Variants in GRID1 observed in about 807,000 individuals in gnomAD.
GRID1 encodes glutamate ionotropic receptor delta type subunit 1.
A neutral mutation model predicts 98.0 loss-of-function variants in GRID1; 28 were observed. The observed-to-expected ratio is 0.29, with a 90% CI of 0.21 to 0.39. The LOEUF (loss-of-function observed/expected upper bound fraction) is 0.39. GRID1 is among the 10% of genes least tolerant of loss of function. GRID1 has a pLI of 1.00. For synonymous variants in GRID1, 553 were observed against 538.5 expected (o/e 1.03, Z -0.37); for missense variants, 1,111 against 1,340.5 (o/e 0.83, Z 2.67).
chr10:86,022,565 G>A (rs1464705246), intron 4 of GRID1, among the ~76,000 whole-genome samples: 1 of 151,794 alleles, frequency 6.6e-6, no homozygotes, highest in Non-Finnish European at 1.5e-5. Context: ...TTTTCCCCGA[G>A]GTCTCTGTGA....
chr10:85,679,832 G>T (rs1841186976), intron 12 of GRID1, among the ~76,000 whole-genome samples: 1 of 152,196 alleles, frequency 6.6e-6, no homozygotes, highest in African/African-American at 2.4e-5. Context: ...TCAGTGGGGG[G>T]ATATTAACAC....
chr10:86,292,472 T>A (rs1185010807), intron 2 of GRID1, among the ~76,000 whole-genome samples: 1 of 152,234 alleles, frequency 6.6e-6, no homozygotes. Context: ...GAGCAGCTCC[T>A]ACAGCAATTG....
At chr10:85,608,935 G>A (rs1416334107) in intron 15 of GRID1, among the ~76,000 whole-genome samples, 1 of 152,182 alleles carries the variant, frequency 6.6e-6, no homozygotes, top group Non-Finnish European at 1.5e-5. Flanking sequence ...GTTTCCAGCA[G>A]AAGGGAGAGA....
At chr10:85,689,497 A>C (rs999406711) in intron 12 of GRID1, among the ~76,000 whole-genome samples, 9 of 152,176 alleles carry the variant, frequency 5.9e-5, no homozygotes, top group Non-Finnish European at 8.8e-5. Flanking sequence ...GCTAGAGAAC[A>C]CAGCACCACC....
intron 4 of GRID1, among the ~76,000 whole-genome samples, chr10:86,055,751 CAAG>C (rs1234594308): frequency 1.4e-5 from 2 of 145,332 alleles, no homozygotes; most frequent in South Asian, 2.2e-4. Context: ...TCAACAACAA[CAAG>C]AAGAAGAAGG....
At chr10:85,718,718 ACAC>A (rs1424834720) in intron 12 of GRID1, among the ~76,000 whole-genome samples, 2 of 152,148 alleles carry the variant, frequency 1.3e-5, no homozygotes, top group African/African-American at 4.8e-5. Flanking sequence ...CCAGCCCATG[ACAC>A]CACATTTTGC....
intron 2 of GRID1, among the ~76,000 whole-genome samples, chr10:86,276,508 T>C (rs1847271283): frequency 6.6e-6 from 1 of 152,066 alleles, no homozygotes; most frequent in Non-Finnish European, 1.5e-5. Context: ...TACGACTTTT[T>C]TTTTTTTTTT....
At chr10:86,194,864 C>T (rs1321236822) in intron 3 of GRID1, among the ~76,000 whole-genome samples, 1 of 152,054 alleles carries the variant, frequency 6.6e-6, no homozygotes, top group East Asian at 1.9e-4. Context: ...GTGAGCACTG[C>T]ACAGCCCCCC....
At chr10:86,183,606 G>A (rs1845688624) in intron 3 of GRID1, among the ~76,000 whole-genome samples, 1 of 152,174 alleles carries the variant, frequency 6.6e-6, no homozygotes, top group Non-Finnish European at 1.5e-5. Flanking sequence ...TGATCCACCT[G>A]CCTCAGCCTC....
chr10:85,825,796 C>A (rs868545533), intron 8 of GRID1, among the ~76,000 whole-genome samples: 1 of 151,908 alleles, frequency 6.6e-6, no homozygotes, highest in African/African-American at 2.4e-5. Flanking sequence ...TAAAAAACAA[C>A]TGGACAAAAA....
At chr10:86,072,148 G>C (rs148796388) in intron 4 of GRID1, among the ~76,000 whole-genome samples, 1 of 152,270 alleles carries the variant, frequency 6.6e-6, no homozygotes, top group Non-Finnish European at 1.5e-5. Context: ...AGGAAGTGTG[G>C]ATATGTTTTA....
chr10:86,292,462 G>A lies in GRID1; in HGVS notation c.235+71479C>T, dbSNP rs571527750. 3.9e-5 allele frequency among the ~76,000 whole-genome samples: 6 copies of A among 152,364 alleles called. No individual in the cohort carries two copies. In the East Asian group the frequency reaches 1.2e-3, roughly 29 times the overall value. On this transcript the variant is annotated intron_variant, in intron 2 of 15. Coordinates refer to ENST00000327946, the MANE Select transcript of GRID1 (RefSeq NM_017551.3). ...GGAAGAAAGTCTCAGTTCTCAGGAA[G>A]AGCAGCTCCTACAGCAATTGTTGGT...
chr10:85,632,625 C>A (rs1246981067), intron 13 of GRID1, among the ~76,000 whole-genome samples: 1 of 152,176 alleles, frequency 6.6e-6, no homozygotes, highest in Non-Finnish European at 1.5e-5. Context: ...CTCACTGCAA[C>A]CTCCACCTCC....
At chr10:86,345,551 ACG>A (rs1172622817) in intron 2 of GRID1, among the ~76,000 whole-genome samples, 1 of 152,204 alleles carries the variant, frequency 6.6e-6, no homozygotes, top group Admixed American at 6.5e-5. Flanking sequence ...CAAGAATGGT[ACG>A]CGCTGCACCT....
rs138633369 is a variant in GRID1 at position 85,748,472 on chromosome 10, C to T, written c.1234-18858G>A. ...GAGGGTTGAGAGCTATAAAACTGACCAAAAATTGATATCGTATTAGCAATA... is the reference window on the plus strand; with the variant it reads ...GAGGGTTGAGAGCTATAAAACTGACTAAAAATTGATATCGTATTAGCAATA... On this transcript the variant is annotated intron_variant, in intron 8 of 15. Transcript: ENST00000327946. 4.8e-3 allele frequency among the ~76,000 whole-genome samples: 729 copies of T among 152,096 alleles called. 5 individuals carry two copies. Among genetic ancestry groups the T allele is most frequent in the Non-Finnish European group, 6.5e-3 (441 of 67,990 alleles).
At chr10:86,279,550 G>A (rs182481356) in intron 2 of GRID1, among the ~76,000 whole-genome samples, 31 of 152,192 alleles carry the variant, frequency 2.0e-4, no homozygotes, top group Admixed American at 4.6e-4. Flanking sequence ...TGACTATTCC[G>A]AAATCAATCC....
intron 2 of GRID1, among the ~76,000 whole-genome samples, chr10:86,243,988 CACTGTGTGT>C (rs1846680111): frequency 6.6e-6 from 1 of 152,214 alleles, no homozygotes; most frequent in Non-Finnish European, 1.5e-5. Flanking sequence ...TGCTTGTGTG[CACTGTGTGT>C]ACACATATAT....
At chr10:85,657,032 G>A (rs538284579) in intron 12 of GRID1, among the ~76,000 whole-genome samples, 2 of 152,126 alleles carry the variant, frequency 1.3e-5, no homozygotes, top group Admixed American at 6.5e-5. Context: ...ATCTGCTCTC[G>A]CCGTACCAGC....
intron 2 of GRID1, among the ~76,000 whole-genome samples, chr10:86,220,784 C>A (rs1033907511): frequency 6.6e-6 from 1 of 152,222 alleles, no homozygotes; most frequent in Non-Finnish European, 1.5e-5. Flanking sequence ...GTCCTAACAG[C>A]CAGCATGACA....
Sources: allele counts gnomAD v4.1 joint callset (sites outside exome capture counted in the v4.1 genomes callset), GRCh38; gene constraint gnomAD v4.1.1; transcripts MANE v1.5; gene names NCBI Gene and HGNC (gene_info 2026-07-23, HGNC 2026-07-21).